DPP6: variants seen among roughly 807,000 people sequenced by gnomAD.
DPP6 encodes the protein A-type potassium channel modulatory protein DPP6.
In DPP6, 69 loss-of-function variants were observed where a neutral mutation model predicts 122.6. That is an observed-to-expected ratio of 0.56 (90% CI 0.46 to 0.69). The LOEUF is 0.69. Among genes scored for constraint, DPP6 ranks in the 30% least tolerant of loss-of-function variants. The probability of loss-of-function intolerance (pLI) is 0.00; values close to 1 mark genes in which losing one functional copy is unlikely to be tolerated. For missense variants in DPP6, 928 were observed against 1,116.9 expected, an observed-to-expected ratio of 0.83 and a Z score of 2.41; for synonymous variants, 418 against 433.1, an observed-to-expected ratio of 0.97 and a Z score of 0.43.
chr7:154,556,859 C>A (rs559344474), intron 4 of DPP6, among the ~76,000 whole-genome samples: 2 of 152,066 alleles, frequency 1.3e-5, no homozygotes, highest in African/African-American at 4.8e-5. Flanking sequence ...CTCAATCAAG[C>A]CTGAAACCAA....
At chr7:154,764,741 CCTT>C (rs1216986845) in intron 8 of DPP6, among the ~76,000 whole-genome samples, 1 of 152,138 alleles carries the variant, frequency 6.6e-6, no homozygotes, top group East Asian at 1.9e-4. Context: ...TTGCAGTTCT[CCTT>C]CTGTTTACTG....
Position 154,892,701 on chromosome 7 carries a change from C to G in DPP6, c.*221C>G. The stretch of plus-strand genomic sequence containing the variant: ...CATGGCACCAGGGACAACGCTGTCC[C>G]CGCAGCAGCGCCTCCTCCCGGCGCC... On this transcript the variant is annotated 3_prime_UTR_variant, in exon 26 of 26. Transcript: ENST00000377770. 1 of 988,668 alleles carries G rather than the reference C, an allele frequency of 1.0e-6. No individual in the cohort carries two copies. Among genetic ancestry groups the G allele is most frequent in the Non-Finnish European group, 1.6e-6 (1 of 636,920 alleles). 61.2% of individuals were successfully genotyped at this position (988,668 alleles called of 1,614,324 possible).
chr7:154,365,366 C>A (rs1812065252), intron 1 of DPP6, among the ~76,000 whole-genome samples: 1 of 152,134 alleles, frequency 6.6e-6, no homozygotes, highest in Non-Finnish European at 1.5e-5. Context: ...ACCATAAAAT[C>A]CACAGGACAA....
At chr7:153,959,621 A>C (rs971509440) in intron 1 of DPP6, among the ~76,000 whole-genome samples, 1 of 152,074 alleles carries the variant, frequency 6.6e-6, no homozygotes, top group African/African-American at 2.4e-5. Flanking sequence ...CAGCTTCCTC[A>C]TTTTTCTCAG....
At chr7:154,749,747 A>G (rs377644183) in intron 8 of DPP6, among the ~76,000 whole-genome samples, 182 of 21,152 alleles carry the variant, frequency 8.6e-3, no homozygotes, top group African/African-American at 0.026. Flanking sequence ...TAGGACGGGA[A>G]AGAGAGGGAT....
the DPP6 span, among the ~76,000 whole-genome samples, chr7:153,800,956 G>T: frequency 6.6e-6 from 1 of 152,204 alleles, no homozygotes; most frequent in Non-Finnish European, 1.5e-5. Context: ...TTGCATGCAA[G>T]TATCAAAACA....
chr7:154,278,882 A>C (rs1804311064), intron 1 of DPP6, among the ~76,000 whole-genome samples: 1 of 139,234 alleles, frequency 7.2e-6, no homozygotes. Context: ...AGCATGTGTG[A>C]GTATGTGTGT....
chr7:154,664,421 G>A (rs1050935467), intron 6 of DPP6, among the ~76,000 whole-genome samples: 3 of 152,188 alleles, frequency 2.0e-5, no homozygotes, highest in Non-Finnish European at 2.9e-5. Flanking sequence ...CTAACAAACT[G>A]AATTTCAATA....
intron 1 of DPP6, among the ~76,000 whole-genome samples, chr7:154,260,285 C>T (rs1802927777): frequency 6.6e-6 from 1 of 152,062 alleles, no homozygotes; most frequent in Non-Finnish European, 1.5e-5. Context: ...ATCGGATTCA[C>T]TTTTTAAAAA....
At chr7:154,593,743 C>G (rs1179520834) in intron 5 of DPP6, among the ~76,000 whole-genome samples, 1 of 152,198 alleles carries the variant, frequency 6.6e-6, no homozygotes, top group African/African-American at 2.4e-5. Context: ...TTTCCACACG[C>G]ATGGCTCTGT....
the DPP6 span, among the ~76,000 whole-genome samples, chr7:153,843,204 GT>G: frequency 8.0e-4 from 121 of 151,416 alleles, no homozygotes; most frequent in African/African-American, 2.8e-3. Context: ...ATACACACAC[GT>G]GCACACACAC....
intron 21 of DPP6, chr7:154,883,566 ACATACATG>A (rs1805682580): frequency 1.3e-5 from 1 of 79,050 alleles, no homozygotes; most frequent in African/African-American, 4.9e-5. Flanking sequence ...TCACACATAC[ACATACATG>A]CTCACCCATA....
At chr7:154,150,317 A>G (rs1337223406) in intron 1 of DPP6, among the ~76,000 whole-genome samples, 1 of 152,118 alleles carries the variant, frequency 6.6e-6, no homozygotes, top group East Asian at 1.9e-4. Flanking sequence ...TGACTTACAG[A>G]GGAAGCCCTG....
In DPP6 at chr7:154,566,901, A is replaced by G. The variant is rs1302722504; in HGVS notation, c.612A>G (p.Ser204=). Reference sequence around the variant, plus strand: ...CAGATAGAGAGTATGCACTTTTTTCATACAATGTGGAACCCGTGAGTATTA... The same window carrying G: ...CAGATAGAGAGTATGCACTTTTTTCGTACAATGTGGAACCCGTGAGTATTA... ...ISPDREYALF[S]YNVEPIYQHS... is the part of the protein sequence containing the mutation. The change falls in exon 5 of 26, where the codon TCA becomes TCG. Residue 204 remains serine (S), a synonymous_variant. Coordinates refer to ENST00000377770, the MANE Select transcript of DPP6 (RefSeq NM_130797.4). 2 of 1,607,354 alleles carry G rather than the reference A, an allele frequency of 1.2e-6. No individual in the cohort carries two copies. The highest frequency in any genetic ancestry group is 2.2e-5 in the East Asian group (1 of 44,718).
chr7:154,271,185 G>C (rs1271690986), intron 1 of DPP6, among the ~76,000 whole-genome samples: 1 of 152,134 alleles, frequency 6.6e-6, no homozygotes, highest in Non-Finnish European at 1.5e-5. Context: ...TATGTAAACT[G>C]ACTATTGTCC....
At chr7:154,302,648 C>CA (rs1403859709) in intron 1 of DPP6, among the ~76,000 whole-genome samples, 1 of 152,206 alleles carries the variant, frequency 6.6e-6, no homozygotes, top group Non-Finnish European at 1.5e-5. Context: ...TATCACTTTA[C>CA]AAATATCCAC....
chr7:154,186,857 A>C (rs1798377125), intron 1 of DPP6, among the ~76,000 whole-genome samples: 1 of 152,260 alleles, frequency 6.6e-6, no homozygotes, highest in African/African-American at 2.4e-5. Flanking sequence ...AAAAATCAGA[A>C]GTAGATTAGA....
chr7:154,873,903 C>T (rs1191349534), intron 19 of DPP6, among the ~76,000 whole-genome samples: 2 of 150,694 alleles, frequency 1.3e-5, no homozygotes, highest in Non-Finnish European at 2.9e-5. Context: ...CGCACCCACA[C>T]ACATAGGCAC....
chr7:154,500,014 C>T (rs1825092870), intron 3 of DPP6, among the ~76,000 whole-genome samples: 1 of 152,086 alleles, frequency 6.6e-6, no homozygotes, highest in African/African-American at 2.4e-5. Context: ...TGCTTAGTGC[C>T]CCTGGCGAGT....
Sources: gnomAD v4.1 joint callset for allele counts (sites outside exome capture counted in the v4.1 genomes callset) on GRCh38, gnomAD v4.1.1 for gene constraint, MANE v1.5 for transcripts, NCBI Gene and HGNC (gene_info 2026-07-23, HGNC 2026-07-21) for gene names.